The following GLIS3 variants were observed in gnomAD, a reference collection of about 807,000 sequenced individuals.
GLIS3 encodes GLIS family zinc finger 3, also known as zinc finger protein GLIS3.
GLIS3 carries 53 observed loss-of-function variants against 78.6 expected under a neutral mutation model. The observed-to-expected ratio is 0.67, with a 90% confidence interval of 0.54 to 0.85. The LOEUF (loss-of-function observed/expected upper bound fraction) is 0.85. GLIS3 is among the 40% of genes least tolerant of loss of function. The probability of loss-of-function intolerance (pLI) is 0.00; values close to 1 mark genes in which losing one functional copy is unlikely to be tolerated. For missense variants in GLIS3, 1,703 were observed against 1,231.1 expected (o/e 1.38, Z -5.74); for synonymous variants, 684 against 509.9 (o/e 1.34, Z -4.60).
chr9:4,298,070 C>A (rs1374375660), intron 1 of GLIS3, among the ~76,000 whole-genome samples: 1 of 152,152 alleles, frequency 6.6e-6, no homozygotes, highest in African/African-American at 2.4e-5. Flanking sequence ...GAACGCAGCG[C>A]AACAAAACAA....
intron 2 of GLIS3, among the ~76,000 whole-genome samples, chr9:4,200,407 G>C (rs1819268517): frequency 6.6e-6 from 1 of 151,902 alleles, no homozygotes; most frequent in Non-Finnish European, 1.5e-5. Context: ...TAGACTACTA[G>C]CTAGATTATT....
At chr9:4,014,838 G>T (rs1822311156) in intron 4 of GLIS3, among the ~76,000 whole-genome samples, 1 of 152,180 alleles carries the variant, frequency 6.6e-6, no homozygotes, top group African/African-American at 2.4e-5. Context: ...CAATGTCACA[G>T]GGCTGAATAC....
chr9:3,879,628 G>GC (rs1563806510), intron 7 of GLIS3, 33 bp from the exon 8 acceptor site: 1 of 1,612,408 alleles, frequency 6.2e-7, no homozygotes, highest in Non-Finnish European at 8.5e-7. Context: ...ATGAGACCGT[G>GC]CCCCAAAGGA....
chr9:4,466,162 G>T, the GLIS3 span, among the ~76,000 whole-genome samples: 18 of 152,098 alleles, frequency 1.2e-4, no homozygotes, highest in Non-Finnish European at 2.2e-4. Flanking sequence ...AGATACAAGG[G>T]TATATAATGA....
At chr9:4,149,006 A>G (rs1206940359) in intron 2 of GLIS3, among the ~76,000 whole-genome samples, 1 of 152,138 alleles carries the variant, frequency 6.6e-6, no homozygotes, top group Non-Finnish European at 1.5e-5. Flanking sequence ...AAACAAGATT[A>G]TAACAAACCT....
chr9:4,314,061 T>C (rs1817403841), intron 2 of GLIS3, among the ~76,000 whole-genome samples: 1 of 152,226 alleles, frequency 6.6e-6, no homozygotes, highest in African/African-American at 2.4e-5. Flanking sequence ...CTAGCGTTTA[T>C]TAGCTGGTGT....
At chr9:4,412,606 G>A in the GLIS3 span, among the ~76,000 whole-genome samples, 1 of 152,140 alleles carries the variant, frequency 6.6e-6, no homozygotes, top group South Asian at 2.1e-4. Context: ...ACTGGGTGAA[G>A]GGCAATATTT....
At chr9:4,055,818 C>A (rs191213441) in intron 4 of GLIS3, among the ~76,000 whole-genome samples, 1 of 152,276 alleles carries the variant, frequency 6.6e-6, no homozygotes, top group East Asian at 1.9e-4. Context: ...GGAGCCCTAC[C>A]AATGGTCTGG....
chr9:3,951,540 T>C (rs1816677397), intron 4 of GLIS3, among the ~76,000 whole-genome samples: 1 of 151,920 alleles, frequency 6.6e-6, no homozygotes, highest in Non-Finnish European at 1.5e-5. Context: ...AACATGAGCA[T>C]TTGAGACCTG....
At position 4,030,579 on chromosome 9, in the gene GLIS3, G is replaced by A. The variant is rs193226933; in HGVS notation, c.1710+87189C>T. On this transcript the variant is annotated intron_variant, in intron 4 of 10. Transcript: ENST00000381971. ...AGTAGTTTCACAGTTTAAGGTCCTA[G>A]ATTTAAGTCTTTAAGCCATTTTGAA... 2.0e-3 allele frequency among the ~76,000 whole-genome samples: 309 copies of A among 152,266 alleles called. 1 individual carries two copies. Among genetic ancestry groups the A allele is most frequent in the Admixed American group, 7.5e-3 (115 of 15,280 alleles).
At chr9:4,247,118 C>A (rs1306742530) in intron 2 of GLIS3, among the ~76,000 whole-genome samples, 1 of 152,152 alleles carries the variant, frequency 6.6e-6, no homozygotes, top group African/African-American at 2.4e-5. Context: ...GTTCGGTGCA[C>A]ACCAAAAGCG....
At chr9:4,229,828 T>C (rs10814893) in intron 2 of GLIS3, among the ~76,000 whole-genome samples, 2 of 152,034 alleles carry the variant, frequency 1.3e-5, no homozygotes, top group Non-Finnish European at 2.9e-5. Flanking sequence ...CTCCTGAAAA[T>C]TGGTTCCTGA....
chr9:4,267,782 C>T (rs920630277), intron 2 of GLIS3, among the ~76,000 whole-genome samples: 61 of 152,150 alleles, frequency 4.0e-4, no homozygotes, highest in African/African-American at 1.4e-3. Flanking sequence ...AAATGTTAGT[C>T]TCTTGAAGTC....
At chr9:4,341,262 C>A (rs1280664195) in intron 2 of GLIS3, among the ~76,000 whole-genome samples, 2 of 152,224 alleles carry the variant, frequency 1.3e-5, no homozygotes, top group African/African-American at 2.4e-5. Context: ...TCTGGCATCA[C>A]TGGAGCTTAA....
chr9:4,377,226 C>G, the GLIS3 span, among the ~76,000 whole-genome samples: 54 of 135,156 alleles, frequency 4.0e-4, 11 homozygotes, highest in East Asian at 0.012. Flanking sequence ...ATGTGGGTGG[C>G]CACCATCCAA....
chr9:4,164,307 T>C (rs947825114), intron 2 of GLIS3, among the ~76,000 whole-genome samples: 6 of 152,238 alleles, frequency 3.9e-5, no homozygotes, highest in Non-Finnish European at 5.9e-5. Flanking sequence ...TGTCCTCCCA[T>C]GCTTATGCCT....
the GLIS3 span, among the ~76,000 whole-genome samples, chr9:4,379,603 G>T: frequency 6.6e-6 from 1 of 152,194 alleles, no homozygotes; most frequent in African/African-American, 2.4e-5. Context: ...GCCATTGGGT[G>T]GTGGCAGTTG....
chr9:4,263,697 C>A (rs1460896022), intron 2 of GLIS3, among the ~76,000 whole-genome samples: 1 of 152,214 alleles, frequency 6.6e-6, no homozygotes, highest in Non-Finnish European at 1.5e-5. Flanking sequence ...TGACCTTCAT[C>A]TTCCCCAATG....
chr9:4,260,409 A>AG (rs1554640148), intron 2 of GLIS3, among the ~76,000 whole-genome samples: 1 of 152,110 alleles, frequency 6.6e-6, no homozygotes, highest in Non-Finnish European at 1.5e-5. Context: ...TACTAAAAAA[A>AG]TACAAGAATT....
Sources: allele counts gnomAD v4.1 joint callset (sites outside exome capture counted in the v4.1 genomes callset), GRCh38; gene constraint gnomAD v4.1.1; transcripts MANE v1.5; gene names NCBI Gene and HGNC (gene_info 2026-07-23, HGNC 2026-07-21).